The following PTPRT variants were observed in gnomAD, a reference collection of about 807,000 sequenced individuals.
PTPRT encodes the protein protein tyrosine phosphatase receptor type T.
In PTPRT, 56 loss-of-function variants were observed where a neutral mutation model predicts 176.8. The ratio of observed to expected loss-of-function variants is 0.32; its 90% CI spans 0.26 to 0.40. PTPRT has a LOEUF of 0.40. Ranked by LOEUF, PTPRT falls within the 10% of genes least tolerant of loss-of-function variation. The pLI is 1.00. For synonymous variants in PTPRT, 783 were observed against 739.0 expected, an observed-to-expected ratio of 1.06 and a Z score of -0.96; for missense variants, 1,540 against 1,908.2, an observed-to-expected ratio of 0.81 and a Z score of 3.60.
intron 15 of PTPRT, among the ~76,000 whole-genome samples, chr20:42,228,093 T>C (rs1174393106): frequency 6.6e-6 from 1 of 152,218 alleles, no homozygotes; most frequent in Non-Finnish European, 1.5e-5. Flanking sequence ...CAGACAGTCT[T>C]TTCTAAGCCT....
At chr20:42,172,055 A>C (rs1324423944) in intron 16 of PTPRT, among the ~76,000 whole-genome samples, 1 of 152,194 alleles carries the variant, frequency 6.6e-6, no homozygotes, top group Non-Finnish European at 1.5e-5. Context: ...GAGACTATTA[A>C]GTAAATACAT....
chr20:43,184,568 T>C (rs1380218827), intron 1 of PTPRT, among the ~76,000 whole-genome samples: 2 of 151,968 alleles, frequency 1.3e-5, no homozygotes, highest in East Asian at 1.9e-4. Context: ...GCACCTATGG[T>C]CCCAGCTATT....
intron 6 of PTPRT, among the ~76,000 whole-genome samples, chr20:42,679,280 C>A (rs2075561337): frequency 6.6e-6 from 1 of 150,764 alleles, no homozygotes; most frequent in African/African-American, 2.5e-5. Flanking sequence ...ACAGCATTAT[C>A]ACCTTAACTT....
At chr20:43,179,735 C>T (rs1324478763) in intron 1 of PTPRT, among the ~76,000 whole-genome samples, 2 of 152,172 alleles carry the variant, frequency 1.3e-5, no homozygotes, top group Admixed American at 6.5e-5. Flanking sequence ...GGCATTAGTG[C>T]CCCCAAAATA....
intron 1 of PTPRT, among the ~76,000 whole-genome samples, chr20:43,118,897 G>T (rs903904499): frequency 6.6e-6 from 1 of 152,144 alleles, no homozygotes; most frequent in Non-Finnish European, 1.5e-5. Context: ...TTATCATTAC[G>T]CACCCTGAGC....
intron 27 of PTPRT, among the ~76,000 whole-genome samples, chr20:42,092,160 ATG>A (rs2146171467): frequency 6.6e-6 from 1 of 152,260 alleles, no homozygotes; most frequent in South Asian, 2.1e-4. Flanking sequence ...TCAGGGGAAG[ATG>A]TGTTACTGCT....
Position 42,676,667 on chromosome 20 carries a change from G to T in PTPRT, c.1153+1199C>A, listed in dbSNP as rs572726973. 4.6e-5 allele frequency among the ~76,000 whole-genome samples: 7 copies of T among 152,196 alleles called. 1 individual carries two copies. The South Asian group carries it at 1.2e-3, about 27-fold the overall frequency. ...GCCATTCTATGACTTTGGACAAAAA[G>T]TTTAAAAGTATTGAGTCTCTATTCC... On this transcript the variant is annotated intron_variant, in intron 7 of 30. Coordinates refer to ENST00000373187, the MANE Select transcript of PTPRT (RefSeq NM_007050.6).
rs935167003 is a variant in PTPRT, at chr20:43,148,097, T to G, written c.88+41549A>C. On this transcript the variant is annotated intron_variant, in intron 1 of 30. Coordinates refer to ENST00000373187, the MANE Select transcript of PTPRT (RefSeq NM_007050.6). ...GCAATCTACACAGAGCATTGACATT[T>G]CCATACCCTGGGCTGGTTGGGTGGG... Among the ~76,000 whole-genome samples, 22 of 152,314 alleles carry G rather than the reference T, an allele frequency of 1.4e-4. No homozygotes were observed. In the East Asian group the frequency reaches 4.2e-3, roughly 29 times the overall value.
intron 6 of PTPRT, among the ~76,000 whole-genome samples, chr20:42,718,914 A>G (rs975266069): frequency 2.6e-5 from 4 of 152,260 alleles, no homozygotes; most frequent in East Asian, 1.9e-4. Flanking sequence ...ACGAGAGCCA[A>G]TGCAGTGATA....
At chr20:42,069,008 C>G (rs760444025), downstream of PTPRT, among the ~76,000 whole-genome samples, 1 of 152,206 alleles carries the variant, frequency 6.6e-6, no homozygotes, top group Non-Finnish European at 1.5e-5. Flanking sequence ...CTCTTAAACT[C>G]GGACTCCAAA....
At chr20:42,543,230 C>A (rs1161056614) in intron 7 of PTPRT, among the ~76,000 whole-genome samples, 1 of 152,194 alleles carries the variant, frequency 6.6e-6, no homozygotes, top group African/African-American at 2.4e-5. Context: ...TGTAGAACTT[C>A]TTTCAAAATT....
rs547962770 is a variant in PTPRT, at chr20:43,188,522, C to T, written c.88+1124G>A. The stretch of plus-strand genomic sequence containing the variant: ...TCGTTCTTTTGCTCTTTCTTTCTTC[C>T]TTTCCTTCTTTCGGTGAAATAATAA... On this transcript the variant is annotated intron_variant, in intron 1 of 30. Coordinates refer to ENST00000373187, the MANE Select transcript of PTPRT (RefSeq NM_007050.6). Among the ~76,000 whole-genome samples the T allele has an allele frequency of 9.2e-5, 14 of 152,274 alleles. No individual in the cohort carries two copies. In the East Asian group the frequency reaches 2.5e-3, roughly 27 times the overall value.
chr20:42,345,897 C>T (rs1480751753), intron 11 of PTPRT, among the ~76,000 whole-genome samples: 1 of 152,074 alleles, frequency 6.6e-6, no homozygotes, highest in Admixed American at 6.6e-5. Flanking sequence ...TTCTGATGAG[C>T]CTTGAATTCC....
chr20:43,093,643 G>A lies in PTPRT; in HGVS notation c.88+96003C>T, dbSNP rs1313391488. ...TCCAAGAGCAGCCAGAGTGATCCTC[G>A]GGAAGTTAACACTTCATGTCAATTC... On this transcript the variant is annotated intron_variant, in intron 1 of 30. Transcript: ENST00000373187. 3.9e-5 allele frequency among the ~76,000 whole-genome samples: 6 copies of A among 152,080 alleles called. 1 individual carries two copies. Among genetic ancestry groups the A allele is most frequent in the Non-Finnish European group, 2.9e-5 (2 of 68,022 alleles).
At chr20:43,157,442 G>A (rs73106069) in intron 1 of PTPRT, among the ~76,000 whole-genome samples, 2,573 of 152,188 alleles carry the variant, frequency 0.017, 44 homozygotes, top group South Asian at 0.078. Flanking sequence ...AGACAATTAC[G>A]AGAAATATAA....
chr20:42,924,199 C>T (rs1222910515), intron 1 of PTPRT, among the ~76,000 whole-genome samples: 1 of 152,102 alleles, frequency 6.6e-6, no homozygotes, highest in African/African-American at 2.4e-5. Context: ...CACAAGAATT[C>T]CCATATCATG....
chr20:42,560,277 T>C (rs2072930752), intron 7 of PTPRT, among the ~76,000 whole-genome samples: 1 of 152,186 alleles, frequency 6.6e-6, no homozygotes, highest in South Asian at 2.1e-4. Context: ...GATTGGAGAA[T>C]AGGAGGATGG....
chr20:42,754,198 T>G (rs2076799281), intron 6 of PTPRT, among the ~76,000 whole-genome samples: 2 of 152,150 alleles, frequency 1.3e-5, no homozygotes, highest in East Asian at 1.9e-4. Context: ...AAAAAATTTT[T>G]TTTTTGAGAT....
chr20:42,605,656 T>A (rs1274694312), intron 7 of PTPRT, among the ~76,000 whole-genome samples: 1 of 152,178 alleles, frequency 6.6e-6, no homozygotes, highest in Non-Finnish European at 1.5e-5. Flanking sequence ...TTTCAGAAAC[T>A]GGCATAAAAA....
Sources: gnomAD v4.1 joint callset for allele counts (sites outside exome capture counted in the v4.1 genomes callset) on GRCh38, gnomAD v4.1.1 for gene constraint, MANE v1.5 for transcripts, NCBI Gene and HGNC (gene_info 2026-07-23, HGNC 2026-07-21) for gene names.